The following PATJ variants were observed in gnomAD, a reference collection of about 807,000 sequenced individuals.
PATJ encodes inaD-like protein.
PATJ carries 190 observed loss-of-function variants against 224.9 expected under a neutral mutation model. The ratio of observed to expected loss-of-function variants is 0.84; its 90% CI spans 0.75 to 0.95. The LOEUF is 0.95. Among genes scored for constraint, PATJ ranks in the 40% least tolerant of loss-of-function variants. The pLI is 0.00. For synonymous variants in PATJ, 769 were observed against 820.3 expected (o/e 0.94, Z 1.07); for missense variants, 2,121 against 2,270.3 (o/e 0.93, Z 1.34).
At chr1:62,041,813 G>A (rs532135364) in intron 30 of PATJ, among the ~76,000 whole-genome samples, 4 of 152,170 alleles carry the variant, frequency 2.6e-5, no homozygotes, top group Non-Finnish European at 2.9e-5. Context: ...GGTGGATCAC[G>A]AGGTCAGGAG....
chr1:61,833,542 TG>T, intron 16 of PATJ, 111 bp from the exon 17 acceptor site: 1 of 1,042,064 alleles, frequency 9.6e-7, no homozygotes, highest in Non-Finnish European at 1.3e-6. Context: ...AAACTACGCA[TG>T]CCAAAGAGAA....
intron 17 of PATJ, among the ~76,000 whole-genome samples, chr1:61,854,218 G>A (rs947552209): frequency 6.3e-4 from 96 of 152,248 alleles, no homozygotes; most frequent in African/African-American, 2.3e-3. Context: ...AGAAAACCTA[G>A]CAGTTTTTCT....
At chr1:61,974,190 G>A (rs532920869) in intron 27 of PATJ, among the ~76,000 whole-genome samples, 1 of 151,992 alleles carries the variant, frequency 6.6e-6, no homozygotes, top group African/African-American at 2.4e-5. Context: ...GAGCAAAACT[G>A]ATACTGTGAG....
intron 20 of PATJ, among the ~76,000 whole-genome samples, chr1:61,872,491 G>T (rs1666781216): frequency 6.6e-6 from 1 of 152,188 alleles, no homozygotes; most frequent in African/African-American, 2.4e-5. Context: ...GAGGAATTTA[G>T]AAGCAATTAG....
At chr1:61,790,844 A>C (rs1469741727) in intron 8 of PATJ, among the ~76,000 whole-genome samples, 5 of 150,634 alleles carry the variant, frequency 3.3e-5, no homozygotes, top group Non-Finnish European at 7.4e-5. Context: ...GGCCAAAATC[A>C]AAGTGTGGGC....
At chr1:61,744,623 AC>A (rs1644932093) in intron 1 of PATJ, among the ~76,000 whole-genome samples, 1 of 152,320 alleles carries the variant, frequency 6.6e-6, no homozygotes, top group South Asian at 2.1e-4. Context: ...AAAAACACAA[AC>A]TTTTTCCTCT....
At chr1:62,110,022 G>A (rs1663608011) in intron 34 of PATJ, among the ~76,000 whole-genome samples, 2 of 152,112 alleles carry the variant, frequency 1.3e-5, no homozygotes, top group Non-Finnish European at 2.9e-5. Flanking sequence ...CCTGAATAAA[G>A]CAAATTTATT....
chr1:61,970,989 A>C (rs185380493), intron 27 of PATJ, among the ~76,000 whole-genome samples: 35 of 152,374 alleles, frequency 2.3e-4, no homozygotes, highest in African/African-American at 7.7e-4. Flanking sequence ...GAAAGCTTCA[A>C]AACCACAAAA....
chr1:62,125,775 C>CT (rs35358680), intron 39 of PATJ, among the ~76,000 whole-genome samples: 3 of 151,432 alleles, frequency 2.0e-5, no homozygotes, highest in Non-Finnish European at 3.0e-5. Flanking sequence ...AAATTTCTTT[C>CT]TTTTTTTTTC....
At chr1:61,925,929 T>C (rs900829273) in intron 26 of PATJ, among the ~76,000 whole-genome samples, 1 of 152,238 alleles carries the variant, frequency 6.6e-6, no homozygotes, top group Non-Finnish European at 1.5e-5. Context: ...TGAAGTGATC[T>C]TTTCTATAGG....
chr1:62,038,386 T>C (rs568720952), intron 30 of PATJ: 11 of 166,340 alleles, frequency 6.6e-5, no homozygotes, highest in South Asian at 3.8e-4. Flanking sequence ...AATACTTTAA[T>C]ACCTGTGATC....
At chr1:61,867,844 A>G (rs1665665049) in intron 20 of PATJ, among the ~76,000 whole-genome samples, 1 of 152,168 alleles carries the variant, frequency 6.6e-6, no homozygotes, top group African/African-American at 2.4e-5. Context: ...TAATTTATCT[A>G]ATAATATTAT....
intron 33 of PATJ, among the ~76,000 whole-genome samples, chr1:62,106,093 C>CAT (rs1662923041): frequency 1.4e-5 from 1 of 71,928 alleles, no homozygotes; most frequent in Non-Finnish European, 2.7e-5. Flanking sequence ...CACACACACA[C>CAT]ACACACACAC....
chr1:62,126,604 G>A (rs555995184), intron 39 of PATJ, among the ~76,000 whole-genome samples: 74 of 152,198 alleles, frequency 4.9e-4, no homozygotes, highest in Non-Finnish European at 8.2e-4. Flanking sequence ...ACCAGAGTCC[G>A]TCTTGGGGAA....
chr1:61,869,097 A>ATTTTTTT (rs113334846), intron 20 of PATJ, among the ~76,000 whole-genome samples: 1 of 125,512 alleles, frequency 8.0e-6, no homozygotes. Flanking sequence ...TGGAAATAAC[A>ATTTTTTT]TTTTTTTTTT....
At chr1:62,011,630 G>A (rs926885356) in intron 28 of PATJ, among the ~76,000 whole-genome samples, 1 of 151,822 alleles carries the variant, frequency 6.6e-6, no homozygotes, top group Non-Finnish European at 1.5e-5. Flanking sequence ...TTACCCAAAT[G>A]TGACACAGAC....
At chr1:61,964,961 A>C (rs1048352293) in intron 27 of PATJ, among the ~76,000 whole-genome samples, 2 of 151,282 alleles carry the variant, frequency 1.3e-5, no homozygotes, top group African/African-American at 4.9e-5. Context: ...AAAATACAAA[A>C]ATTAGCCGGG....
At chr1:61,879,833 A>AT (rs11386909) in intron 21 of PATJ, among the ~76,000 whole-genome samples, 59,395 of 145,438 alleles carry the variant, frequency 0.41, 12,177 homozygotes, top group East Asian at 0.71. Context: ...TACTCCATCT[A>AT]TTTTTTTTTT....
intron 26 of PATJ, among the ~76,000 whole-genome samples, chr1:61,923,043 A>T (rs180865863): frequency 2.6e-5 from 4 of 152,342 alleles, no homozygotes; most frequent in Admixed American, 1.3e-4. Context: ...GCTCCATTAA[A>T]CCAATTGAAT....
Sources: allele counts gnomAD v4.1 joint callset (sites outside exome capture counted in the v4.1 genomes callset), GRCh38; gene constraint gnomAD v4.1.1; transcripts MANE v1.5; gene names NCBI Gene and HGNC (gene_info 2026-07-23, HGNC 2026-07-21).